Variants in SPEF2 observed in about 807,000 individuals in gnomAD.
SPEF2 encodes the protein sperm flagellar and cilia associated 2.
Under a neutral mutation model 224.6 loss-of-function variants are expected in SPEF2, and 187 were observed. The observed-to-expected ratio is 0.83, with a 90% CI of 0.74 to 0.94. The LOEUF (loss-of-function observed/expected upper bound fraction) is 0.94. Ranked by LOEUF, SPEF2 falls within the 40% of genes least tolerant of loss-of-function variation. The pLI, the probability that SPEF2 is intolerant of heterozygous loss-of-function variation, is 0.00. For missense variants in SPEF2, 2,170 were observed against 2,135.6 expected, an observed-to-expected ratio of 1.02 and a Z score of -0.32; for synonymous variants, 715 against 707.3, an observed-to-expected ratio of 1.01 and a Z score of -0.17.
chr5:35,763,953 C>A (rs2149760868), intron 26 of SPEF2, among the ~76,000 whole-genome samples: 1 of 152,202 alleles, frequency 6.6e-6, no homozygotes, highest in African/African-American at 2.4e-5. Flanking sequence ...GGCCTAAAGG[C>A]AGTCAGGAAA....
At chr5:35,798,821 G>A (rs188460913) in intron 33 of SPEF2, among the ~76,000 whole-genome samples, 256 of 152,150 alleles carry the variant, frequency 1.7e-3, no homozygotes, top group Non-Finnish European at 2.7e-3. Context: ...CTCCAACTCT[G>A]TTGGAGTTGG....
At chr5:35,726,970 T>G (rs1389821829) in intron 20 of SPEF2, among the ~76,000 whole-genome samples, 4 of 131,100 alleles carry the variant, frequency 3.1e-5, no homozygotes, top group Admixed American at 2.6e-4. Context: ...CTTTCTCGTT[T>G]TCTTCCCAAG....
At chr5:35,716,052 T>A (rs1167915252) in intron 20 of SPEF2, among the ~76,000 whole-genome samples, 3 of 152,100 alleles carry the variant, frequency 2.0e-5, no homozygotes, top group Admixed American at 2.0e-4. Flanking sequence ...TTTTTTAAAC[T>A]GTTCATCACA....
At chr5:35,724,581 G>A (rs1053880921) in intron 20 of SPEF2, among the ~76,000 whole-genome samples, 1 of 152,132 alleles carries the variant, frequency 6.6e-6, no homozygotes, top group Non-Finnish European at 1.5e-5. Flanking sequence ...ACAATCAAAA[G>A]CATGGAGTCT....
chr5:35,697,376 T>C lies in SPEF2; in HGVS notation c.2038-314T>C, dbSNP rs76628513. ...GTTTTCCCTAGAGGGCATGCCCCTG[T>C]CTGCATGGCATGAGTGGCTAGAGCC... On this transcript the variant is annotated intron_variant, in intron 14 of 36. Coordinates refer to ENST00000356031, the MANE Select transcript of SPEF2 (RefSeq NM_024867.4). 9.8e-3 allele frequency among the ~76,000 whole-genome samples: 1,487 copies of C among 152,308 alleles called. 30 individuals are homozygous for C. Among genetic ancestry groups the C allele is most frequent in the African/African-American group, 0.035 (1,438 of 41,570 alleles).
intron 27 of SPEF2, among the ~76,000 whole-genome samples, chr5:35,773,076 T>C (rs188371666): frequency 2.2e-4 from 33 of 152,304 alleles, no homozygotes; most frequent in African/African-American, 7.5e-4. Context: ...AGTTAAGTTC[T>C]AATTAAAATA....
At chr5:35,618,811 C>T (rs1438897731) in intron 1 of SPEF2, among the ~76,000 whole-genome samples, 4 of 152,050 alleles carry the variant, frequency 2.6e-5, no homozygotes, top group Non-Finnish European at 5.9e-5. Flanking sequence ...TACATGCTGG[C>T]AGCTTCCTTG....
chr5:35,658,583 T>G (rs192173922), intron 7 of SPEF2, among the ~76,000 whole-genome samples: 1 of 149,932 alleles, frequency 6.7e-6, no homozygotes, highest in East Asian at 2.0e-4. Context: ...TTATAGCACT[T>G]ATTTTTTTTT....
At chr5:35,711,363 T>TA (rs914993359) in intron 19 of SPEF2, among the ~76,000 whole-genome samples, 2 of 152,148 alleles carry the variant, frequency 1.3e-5, no homozygotes, top group Admixed American at 1.3e-4. Flanking sequence ...TGATTTTTGT[T>TA]AAAAAATTGT....
intron 19 of SPEF2, 107 bp downstream of exon 19, chr5:35,709,228 C>G: frequency 6.5e-7 from 1 of 1,529,486 alleles, no homozygotes; most frequent in African/African-American, 1.4e-5. Flanking sequence ...CAACTTCAAT[C>G]ATATGAAACA....
chr5:35,734,589 CCTT>C (rs888312247), intron 21 of SPEF2, among the ~76,000 whole-genome samples: 1 of 152,098 alleles, frequency 6.6e-6, no homozygotes, highest in Non-Finnish European at 1.5e-5. Context: ...CCTAAATCTT[CCTT>C]CTTCTCAATG....
At chr5:35,704,910 T>G (rs1315873637) in intron 17 of SPEF2, among the ~76,000 whole-genome samples, 1 of 152,094 alleles carries the variant, frequency 6.6e-6, no homozygotes, top group Non-Finnish European at 1.5e-5. Context: ...TACGGTTACA[T>G]GCACTTATAA....
At chr5:35,807,358 T>C in intron 36 of SPEF2, 105 bp downstream of exon 36, 3 of 1,458,774 alleles carry the variant, frequency 2.1e-6, no homozygotes, top group Non-Finnish European at 2.7e-6. Flanking sequence ...AGCTGTACTC[T>C]GCCAGGCCAG....
chr5:35,751,080 C>CGTATATATATACGTATATATATAT (rs1749529999), intron 23 of SPEF2, among the ~76,000 whole-genome samples: 7 of 43,748 alleles, frequency 1.6e-4, no homozygotes, highest in South Asian at 1.1e-3. Context: ...TATATATATA[C>CGTATATATATACGTATATATATAT]ACACACACAC....
chr5:35,768,608 A>G (rs1342601276), intron 26 of SPEF2, among the ~76,000 whole-genome samples: 1 of 152,126 alleles, frequency 6.6e-6, no homozygotes, highest in Non-Finnish European at 1.5e-5. Flanking sequence ...GAAACTATAT[A>G]TTTTAACTTA....
intron 3 of SPEF2, among the ~76,000 whole-genome samples, chr5:35,642,427 A>G (rs1027849365): frequency 6.6e-6 from 1 of 151,724 alleles, no homozygotes; most frequent in African/African-American, 2.4e-5. Context: ...TTCCTTTGGA[A>G]CTCTAGAGCA....
At chr5:35,618,265 G>T (rs1279746940) in intron 1 of SPEF2, among the ~76,000 whole-genome samples, 2 of 152,156 alleles carry the variant, frequency 1.3e-5, no homozygotes, top group Non-Finnish European at 1.5e-5. Context: ...ACCCCAGCCA[G>T]GGCAAGGCCT....
chr5:35,664,881 A>G (rs1750258672), intron 8 of SPEF2, among the ~76,000 whole-genome samples: 2 of 151,732 alleles, frequency 1.3e-5, no homozygotes, highest in Non-Finnish European at 2.9e-5. Context: ...TTTTTCTTTC[A>G]CTCTCAATTT....
chr5:35,795,795 G>C lies in SPEF2; in HGVS notation c.4830G>C (p.Glu1610Asp), dbSNP rs1177045584. Residue 1610 changes from glutamate to aspartate, a missense_variant and splice_region_variant, in exon 33 of 37, where the codon GAG becomes GAC. By Grantham distance (45) the Glu-to-Asp change is conservative. Coordinates refer to ENST00000356031, the MANE Select transcript of SPEF2 (RefSeq NM_024867.4). ...LPFNRQEHLIEFFFRLFADYE... is the reference protein window; with the variant it reads ...LPFNRQEHLIDFFFRLFADYE... ...TTAATAGGCAGGAGCATCTTATAGA[G>C]GTAATGACTGAGATCTTTAAAACAT... The C allele has an allele frequency of 6.2e-7, 1 of 1,604,784 alleles. No individual in the cohort carries two copies. Among genetic ancestry groups the C allele is most frequent in the Non-Finnish European group, 8.5e-7 (1 of 1,174,074 alleles).
Sources: gnomAD v4.1 joint callset for allele counts (sites outside exome capture counted in the v4.1 genomes callset) on GRCh38, gnomAD v4.1.1 for gene constraint, MANE v1.5 for transcripts, NCBI Gene and HGNC (gene_info 2026-07-23, HGNC 2026-07-21) for gene names.